Variants in CAMK2B observed in about 807,000 individuals in gnomAD.
The protein encoded by CAMK2B is calcium/calmodulin-dependent protein kinase type II subunit beta.
In CAMK2B, 27 loss-of-function variants were observed where a neutral mutation model predicts 93.7. The observed-to-expected ratio is 0.29, with a 90% confidence interval of 0.21 to 0.40. The LOEUF (loss-of-function observed/expected upper bound fraction) is 0.40. Among genes scored for constraint, CAMK2B ranks in the 10% least tolerant of loss-of-function variants. The pLI is 1.00. For synonymous variants in CAMK2B, 374 were observed against 358.8 expected (o/e 1.04, Z -0.48); for missense variants, 568 against 895.8 (o/e 0.63, Z 4.67).
In CAMK2B at chr7:44,311,725, C is replaced by G. The variant is rs2116186682; in HGVS notation, c.65+13632G>C. 6.6e-6 allele frequency among the ~76,000 whole-genome samples: 1 copy of G among 152,312 alleles called. No individual in the cohort carries two copies. The highest frequency in any genetic ancestry group is 1.9e-4 in the East Asian group (1 of 5,178). ...GACCCCCACCGCCCCAGCTCTGGGC[C>G]TCAGGGACAACAGTGGGAAACCAGA... On this transcript the variant is annotated intron_variant, in intron 1 of 23. Transcript: ENST00000395749. This position sits in a 1 kb window ranked among gnomAD's most constrained non-coding sequence, Gnocchi z 4.2.
chr7:44,241,912 T>G, intron 10 of CAMK2B, 129 bp from the exon 11 acceptor site: 1 of 744,938 alleles, frequency 1.3e-6, no homozygotes. Flanking sequence ...CGGCAAGGGT[T>G]GTCTGTCCCC....
intron 20 of CAMK2B, among the ~76,000 whole-genome samples, chr7:44,222,447 T>C (rs1408083355): frequency 1.3e-5 from 2 of 152,020 alleles, no homozygotes; most frequent in Non-Finnish European, 2.9e-5. Context: ...GAATTCTTTT[T>C]TTTTTTTAGA....
At chr7:44,319,924 T>A (rs1010246001) in intron 1 of CAMK2B, among the ~76,000 whole-genome samples, 2 of 152,318 alleles carry the variant, frequency 1.3e-5, no homozygotes, top group Admixed American at 6.5e-5. Flanking sequence ...AAATCATCTA[T>A]ATCTGCTATA....
chr7:44,255,831 G>A (rs995907282), intron 4 of CAMK2B, among the ~76,000 whole-genome samples: 4 of 152,124 alleles, frequency 2.6e-5, no homozygotes, highest in Admixed American at 6.5e-5. Context: ...GTTGAATGTC[G>A]GCTCACCCCT....
At chr7:44,223,303 T>C (rs2096434687) in intron 20 of CAMK2B, among the ~76,000 whole-genome samples, 2 of 152,310 alleles carry the variant, frequency 1.3e-5, no homozygotes, top group Middle Eastern at 6.8e-3. Context: ...CTTTCTTTCC[T>C]AACTTTCATC....
intron 2 of CAMK2B, among the ~76,000 whole-genome samples, chr7:44,279,929 C>G (rs1016224812): frequency 6.6e-6 from 1 of 152,200 alleles, no homozygotes. Context: ...CAAGACAGGT[C>G]AGTGGCAGCG....
chr7:44,306,406 A>C (rs1425380239), intron 1 of CAMK2B, among the ~76,000 whole-genome samples: 2 of 152,134 alleles, frequency 1.3e-5, no homozygotes, highest in South Asian at 2.1e-4. Context: ...TCCTTTAGCA[A>C]CCCCACAGGA....
chr7:44,316,797 C>T (rs765316305), intron 1 of CAMK2B, among the ~76,000 whole-genome samples: 2 of 152,152 alleles, frequency 1.3e-5, no homozygotes, highest in Non-Finnish European at 2.9e-5. Flanking sequence ...AACTTGAGGG[C>T]ACATAATTAT....
chr7:44,238,930 C>T (rs1363719345), intron 13 of CAMK2B, among the ~76,000 whole-genome samples: 1 of 143,686 alleles, frequency 7.0e-6, no homozygotes, highest in Non-Finnish European at 1.5e-5. Flanking sequence ...GGGCCTCTGG[C>T]TCTGGCCCCG....
At chr7:44,291,127 G>T (rs1786676483) in intron 1 of CAMK2B, among the ~76,000 whole-genome samples, 1 of 152,156 alleles carries the variant, frequency 6.6e-6, no homozygotes, top group East Asian at 1.9e-4. Flanking sequence ...TCTGACAGTT[G>T]CATACTTCTT....
chr7:44,315,548 G>A (rs533503482), intron 1 of CAMK2B, among the ~76,000 whole-genome samples: 1 of 152,252 alleles, frequency 6.6e-6, no homozygotes, highest in Admixed American at 6.5e-5. Context: ...GATTGTTTTA[G>A]CTATTTTGGG....
chr7:44,249,477 A>G (rs1293043232), intron 5 of CAMK2B, among the ~76,000 whole-genome samples: 1 of 152,138 alleles, frequency 6.6e-6, no homozygotes, highest in Non-Finnish European at 1.5e-5. Flanking sequence ...AGCAGTGCTG[A>G]CCAGATCCTG....
At position 44,232,897 on chromosome 7, in the gene CAMK2B, AAG is replaced by A. The variant is rs751966182; in HGVS notation, c.1132-33_1132-32del. ...GAAGAAGGAAGACACAGAGGAAGGA[AAG>A]AGAGGGAAAGTGAGAAGAGGAGGAA... On this transcript the variant is annotated intron_variant, in intron 15 of 23. Coordinates refer to ENST00000395749, the MANE Select transcript of CAMK2B (RefSeq NM_001220.5). 5 of 1,600,242 alleles carry A rather than the reference AAG, an allele frequency of 3.1e-6. No individual in the cohort carries two copies. The East Asian group carries it at 1.1e-4, about 36-fold the overall frequency.
intron 20 of CAMK2B, among the ~76,000 whole-genome samples, chr7:44,222,742 C>G (rs1046983101): frequency 6.6e-6 from 1 of 152,194 alleles, no homozygotes; most frequent in African/African-American, 2.4e-5. Context: ...CTGTGCCCAG[C>G]CAGAAGAGGG....
In CAMK2B at chr7:44,239,549, C is replaced by T. The variant is rs372310837; in HGVS notation, c.1021+40G>A. On this transcript the variant is annotated intron_variant, in intron 13 of 23. Transcript: ENST00000395749. Reference sequence around the variant, plus strand: ...GGGGGCTGCATGCTGGCAGGAGGGACGGGCGGGAGCGGGCGGGACGCTGGT... The same window carrying T: ...GGGGGCTGCATGCTGGCAGGAGGGATGGGCGGGAGCGGGCGGGACGCTGGT... The T allele has an allele frequency of 5.1e-4, 769 of 1,496,872 alleles. 3 individuals carry two copies. The African/African-American group carries it at 9.6e-3, about 19-fold the overall frequency. 92.7% of individuals were successfully genotyped at this position (1,496,872 alleles called of 1,614,324 possible).
intron 19 of CAMK2B, among the ~76,000 whole-genome samples, chr7:44,227,712 T>G (rs572601268): frequency 5.7e-4 from 2 of 3,488 alleles, no homozygotes; most frequent in Non-Finnish European, 8.6e-4. Flanking sequence ...GGGACCAAGG[T>G]GGGTGTGGGG....
intron 1 of CAMK2B, among the ~76,000 whole-genome samples, chr7:44,303,770 AG>A (rs1367234786): frequency 1.3e-5 from 2 of 152,252 alleles, no homozygotes; most frequent in Non-Finnish European, 2.9e-5. Flanking sequence ...AAAAGTAAAA[AG>A]TTCTGTTCTG....
intron 15 of CAMK2B, 45 bp from the exon 16 acceptor site, chr7:44,232,911 G>A: frequency 6.4e-7 from 1 of 1,571,534 alleles, no homozygotes; most frequent in Non-Finnish European, 8.8e-7. Context: ...GAGGGAAAGT[G>A]AGAAGAGGAG....
At chr7:44,260,947 C>T (rs1399140380) in intron 3 of CAMK2B, among the ~76,000 whole-genome samples, 6 of 152,182 alleles carry the variant, frequency 3.9e-5, no homozygotes, top group African/African-American at 9.7e-5. Context: ...GTCTGTGAGC[C>T]GACGCTGGCC....
Sources: allele counts gnomAD v4.1 joint callset (sites outside exome capture counted in the v4.1 genomes callset), GRCh38; gene constraint gnomAD v4.1.1; non-coding constraint Gnocchi (gnomAD v3.1); transcripts MANE v1.5; gene names NCBI Gene and HGNC (gene_info 2026-07-23, HGNC 2026-07-21).